Variants in AGPS observed in about 807,000 individuals in gnomAD.
AGPS encodes alkylglycerone phosphate synthase.
In AGPS, 26 loss-of-function variants were observed where a neutral mutation model predicts 90.7. That is an observed-to-expected ratio of 0.29 (90% CI 0.21 to 0.40). AGPS has a LOEUF of 0.40. AGPS is among the 10% of genes least tolerant of loss of function. The pLI, the probability that AGPS is intolerant of heterozygous loss-of-function variation, is 1.00. For missense variants in AGPS, 540 were observed against 816.1 expected (o/e 0.66, Z 4.12); for synonymous variants, 294 against 285.3 (o/e 1.03, Z -0.31).
chr2:177,521,028 A>G (rs568845758), intron 17 of AGPS, among the ~76,000 whole-genome samples: 1 of 152,350 alleles, frequency 6.6e-6, no homozygotes, highest in South Asian at 2.1e-4. Context: ...TATAATATTG[A>G]CTAATTTGGT....
intron 8 of AGPS, among the ~76,000 whole-genome samples, chr2:177,450,333 T>G (rs1452308615): frequency 6.6e-6 from 1 of 152,224 alleles, no homozygotes; most frequent in African/African-American, 2.4e-5. Flanking sequence ...AGTGTATTAA[T>G]TTGTCTTTCT....
chr2:177,470,907 A>T (rs767977443), intron 10 of AGPS, among the ~76,000 whole-genome samples: 1 of 152,092 alleles, frequency 6.6e-6, no homozygotes, highest in African/African-American at 2.4e-5. Context: ...TATAAGTTAG[A>T]TAATTTTCAG....
intron 19 of AGPS, among the ~76,000 whole-genome samples, chr2:177,536,102 T>C (rs1228361136): frequency 6.6e-6 from 1 of 152,182 alleles, no homozygotes; most frequent in African/African-American, 2.4e-5. Context: ...TTGGGTGGCT[T>C]CTCAGACGAT....
intron 9 of AGPS, among the ~76,000 whole-genome samples, chr2:177,465,619 C>T (rs879440014): frequency 2.2e-4 from 33 of 152,212 alleles, no homozygotes; most frequent in Non-Finnish European, 3.4e-4. Flanking sequence ...TGTGGCAGGA[C>T]GGGCAGCTCC....
intron 1 of AGPS, among the ~76,000 whole-genome samples, chr2:177,408,514 C>CTT (rs1685525760): frequency 6.6e-6 from 1 of 152,064 alleles, no homozygotes; most frequent in Non-Finnish European, 1.5e-5. Context: ...CCAGATAGTC[C>CTT]TTTGTAAGAT....
In AGPS at chr2:177,416,531, G is replaced by C. The variant is rs7558208; in HGVS notation, c.261-3738G>C. 3.1e-4 allele frequency among the ~76,000 whole-genome samples: 47 copies of C among 151,188 alleles called. 1 individual carries two copies. The South Asian group carries it at 9.6e-3, about 31-fold the overall frequency. ...CAGGAGGAGGGTTTTTTTTTGTTTT[G>C]TTTTGTTTTTTTGAGACGGAGTCTT... is the stretch of plus-strand genomic sequence containing the variant. On this transcript the variant is annotated intron_variant, in intron 1 of 19. Transcript: ENST00000264167.
Position 177,461,744 on chromosome 2 carries a change from G to C in AGPS, c.871-149G>C, listed in dbSNP as rs866859804. The C allele has an allele frequency of 1.3e-4, 89 of 696,848 alleles. No individual in the cohort carries two copies. The South Asian group carries it at 1.3e-3, about 10-fold the overall frequency. The allele number at this position is 696,848 out of a possible 1,614,324, so 43.2% of individuals were successfully genotyped here. A position where few individuals can be genotyped will look rare whatever the true frequency, so the allele number is the denominator to read the frequency against. On this transcript the variant is annotated intron_variant, in intron 8 of 19. Coordinates refer to ENST00000264167, the MANE Select transcript of AGPS (RefSeq NM_003659.4). ...AATTTTTAGGACTAGTGTGATAAAA[G>C]TATCTTTTTTTTTTTTTTTTGCTAT...
At chr2:177,424,924 G>T (rs559934871) in intron 2 of AGPS, among the ~76,000 whole-genome samples, 1 of 151,996 alleles carries the variant, frequency 6.6e-6, no homozygotes. Context: ...TTTTAATGGG[G>T]TTGGTTTTTT....
intron 16 of AGPS, among the ~76,000 whole-genome samples, chr2:177,513,454 CT>C (rs1328288929): frequency 1.3e-5 from 2 of 152,076 alleles, no homozygotes; most frequent in Admixed American, 1.3e-4. Context: ...TTCCTGTAAC[CT>C]AGAATCGAAT....
At chr2:177,467,724 G>C (rs1370484386) in intron 9 of AGPS, among the ~76,000 whole-genome samples, 1 of 152,078 alleles carries the variant, frequency 6.6e-6, no homozygotes, top group Non-Finnish European at 1.5e-5. Flanking sequence ...TAAATAGACT[G>C]TTGTTATTTA....
intron 12 of AGPS, among the ~76,000 whole-genome samples, chr2:177,495,724 A>G (rs1436078924): frequency 2.7e-5 from 4 of 147,920 alleles, no homozygotes; most frequent in African/African-American, 9.9e-5. Context: ...CCTGGCCAAC[A>G]TGGTGAAACC....
At chr2:177,434,238 C>A in intron 2 of AGPS, 89 bp from the exon 3 acceptor site, 1 of 898,894 alleles carries the variant, frequency 1.1e-6, no homozygotes, top group Non-Finnish European at 1.8e-6. Flanking sequence ...TTGATAGTAG[C>A]TGCTTGACCA....
At position 177,542,676 on chromosome 2, in the gene AGPS, T is replaced by C. The variant is rs2079247819; in HGVS notation, c.*4481T>C. 6.6e-6 allele frequency: 1 copy of C among 152,044 alleles called. No individual in the cohort carries two copies. The highest frequency in any genetic ancestry group is 1.5e-5 in the Non-Finnish European group (1 of 68,020). The allele number at this position is 152,044 out of a possible 1,614,324, so 9.4% of individuals were successfully genotyped here. On this transcript the variant is annotated 3_prime_UTR_variant, in exon 20 of 20. Coordinates refer to ENST00000264167, the MANE Select transcript of AGPS (RefSeq NM_003659.4). ...TTTTAAGACAACCTTTTGTTGGCAG[T>C]GTTTTTCCTGAACACCATATGCACC...
rs2079229341 is a variant in AGPS at position 177,540,952 on chromosome 2, T to C, written c.*2757T>C. 6.6e-6 allele frequency: 1 copy of C among 152,104 alleles called. No individual in the cohort carries two copies. The highest frequency in any genetic ancestry group is 2.1e-4 in the South Asian group (1 of 4,834). The allele number at this position is 152,104 out of a possible 1,614,324, so 9.4% of individuals were successfully genotyped here. On this transcript the variant is annotated 3_prime_UTR_variant, in exon 20 of 20. Coordinates refer to ENST00000264167, the MANE Select transcript of AGPS (RefSeq NM_003659.4). ...GAATTTAGTCTTATGATAAGTAACTTTGAGCTGTTTTTAGCTTAGTAAGAA... is the reference window on the plus strand; with the variant it reads ...GAATTTAGTCTTATGATAAGTAACTCTGAGCTGTTTTTAGCTTAGTAAGAA...
intron 10 of AGPS, among the ~76,000 whole-genome samples, chr2:177,475,917 A>T (rs1687767720): frequency 6.6e-6 from 1 of 152,154 alleles, no homozygotes; most frequent in Non-Finnish European, 1.5e-5. Flanking sequence ...CACAAGCAGT[A>T]AATGACGGTC....
intron 1 of AGPS, among the ~76,000 whole-genome samples, chr2:177,412,820 G>C (rs1183519216): frequency 6.6e-6 from 1 of 152,136 alleles, no homozygotes; most frequent in Admixed American, 6.5e-5. Context: ...CATGGGTCAT[G>C]GAACAGAACC....
chr2:177,425,223 G>A (rs1173861685), intron 2 of AGPS, among the ~76,000 whole-genome samples: 1 of 152,102 alleles, frequency 6.6e-6, no homozygotes, highest in Non-Finnish European at 1.5e-5. Context: ...TTACATTTAA[G>A]TCTTTAATCC....
chr2:177,481,893 A>G (rs1322684230), intron 10 of AGPS, among the ~76,000 whole-genome samples, 166 bp from the exon 11 acceptor site: 2 of 151,434 alleles, frequency 1.3e-5, no homozygotes, highest in Non-Finnish European at 3.0e-5. Flanking sequence ...AAATTTGCTT[A>G]ATTTTATAAT....
At chr2:177,490,062 C>T (rs1688205587) in intron 11 of AGPS, among the ~76,000 whole-genome samples, 1 of 151,972 alleles carries the variant, frequency 6.6e-6, no homozygotes, top group Admixed American at 6.6e-5. Flanking sequence ...TTTTTTAAAC[C>T]TACCAAATTA....
Sources: allele counts gnomAD v4.1 joint callset (sites outside exome capture counted in the v4.1 genomes callset), GRCh38; gene constraint gnomAD v4.1.1; transcripts MANE v1.5; gene names NCBI Gene and HGNC (gene_info 2026-07-23, HGNC 2026-07-21).